The following DLG2 variants were observed in gnomAD, a reference collection of about 807,000 sequenced individuals.
The protein encoded by DLG2 is disks large homolog 2.
Under a neutral mutation model 132.5 loss-of-function variants are expected in DLG2, and 45 were observed. The observed-to-expected ratio is 0.34, with a 90% CI of 0.27 to 0.44. The LOEUF is 0.44. Among genes scored for constraint, DLG2 ranks in the 20% least tolerant of loss-of-function variants. DLG2 has a pLI of 1.00. For missense variants in DLG2, 1,045 were observed against 1,196.9 expected (o/e 0.87, Z 1.87); for synonymous variants, 424 against 419.6 (o/e 1.01, Z -0.13).
chr11:85,353,254 C>T (rs995104212), intron 3 of DLG2, among the ~76,000 whole-genome samples: 18 of 152,150 alleles, frequency 1.2e-4, no homozygotes, highest in African/African-American at 4.1e-4. Context: ...TCATTACTGG[C>T]CATCAGAGAA....
At chr11:84,017,296 AGAT>A (rs1323978294) in intron 11 of DLG2, among the ~76,000 whole-genome samples, 10 of 152,104 alleles carry the variant, frequency 6.6e-5, no homozygotes, top group African/African-American at 2.2e-4. Context: ...ACAAATTCAC[AGAT>A]GATTATAAAC....
At chr11:83,890,728 A>C (rs56112908) in intron 15 of DLG2, among the ~76,000 whole-genome samples, 11,211 of 152,264 alleles carry the variant, frequency 0.074, 537 homozygotes, top group African/African-American at 0.13. Context: ...AGCATGGAAA[A>C]TAGTAAATTG....
chr11:84,629,959 T>C (rs950433511), intron 6 of DLG2, among the ~76,000 whole-genome samples: 1 of 152,100 alleles, frequency 6.6e-6, no homozygotes, highest in African/African-American at 2.4e-5. Flanking sequence ...ACCTCCAAAA[T>C]ATTCATAGTT....
At chr11:85,608,217 G>A (rs1258641571) in intron 2 of DLG2, among the ~76,000 whole-genome samples, 1 of 152,126 alleles carries the variant, frequency 6.6e-6, no homozygotes, top group African/African-American at 2.4e-5. Flanking sequence ...TTGTCTTTCA[G>A]ATGGGAAACA....
chr11:84,759,122 C>A (rs1476815560), intron 6 of DLG2, among the ~76,000 whole-genome samples: 19 of 152,160 alleles, frequency 1.2e-4, no homozygotes, highest in Admixed American at 1.2e-3. Context: ...AAGCAATCTA[C>A]CCACCTTGGC....
chr11:84,708,126 T>C (rs1311677217), intron 6 of DLG2, among the ~76,000 whole-genome samples: 2 of 151,728 alleles, frequency 1.3e-5, no homozygotes, highest in Non-Finnish European at 2.9e-5. Context: ...ATCTGAAAAA[T>C]ATTATGGAGA....
At chr11:84,181,267 G>A (rs2096119449) in intron 8 of DLG2, among the ~76,000 whole-genome samples, 1 of 151,938 alleles carries the variant, frequency 6.6e-6, no homozygotes, top group Admixed American at 6.6e-5. Flanking sequence ...AAGTGGTGGA[G>A]TGTTATTTGA....
intron 7 of DLG2, among the ~76,000 whole-genome samples, chr11:84,255,952 G>A (rs2097461990): frequency 1.3e-5 from 2 of 152,030 alleles, no homozygotes; most frequent in East Asian, 3.9e-4. Context: ...CAGCATAAGG[G>A]ACTAGTACAG....
At position 85,461,545 on chromosome 11, in the gene DLG2, G is replaced by T. The variant is rs78436901; in HGVS notation, c.40+137112C>A. 1.9e-3 allele frequency among the ~76,000 whole-genome samples: 297 copies of T among 152,310 alleles called. 3 individuals carry two copies. The highest frequency in any genetic ancestry group is 6.9e-3 in the African/African-American group (286 of 41,568). ...AATACTGAGAGTGAGAGAAGTCCTT[G>T]AGTACCTGTGACTGAAGAGGCCAGT... On this transcript the variant is annotated intron_variant, in intron 3 of 27. Coordinates refer to ENST00000376104, the MANE Select transcript of DLG2 (RefSeq NM_001142699.3).
At chr11:84,862,906 A>G (rs2083978066) in intron 6 of DLG2, among the ~76,000 whole-genome samples, 1 of 151,368 alleles carries the variant, frequency 6.6e-6, no homozygotes, top group Non-Finnish European at 1.5e-5. Context: ...GCAAACCACC[A>G]TGGCACATGT....
intron 8 of DLG2, among the ~76,000 whole-genome samples, chr11:84,249,435 A>T (rs2097343779): frequency 6.6e-6 from 1 of 152,212 alleles, no homozygotes; most frequent in Non-Finnish European, 1.5e-5. Context: ...AAATTAAATA[A>T]GACTTCTAAC....
At chr11:85,490,059 G>A (rs1305605013) in intron 3 of DLG2, among the ~76,000 whole-genome samples, 2 of 152,028 alleles carry the variant, frequency 1.3e-5, no homozygotes, top group African/African-American at 2.4e-5. Context: ...GCAGTGGTAT[G>A]TACCTGTAGT....
At chr11:84,184,016 A>C (rs1334573166) in intron 8 of DLG2, among the ~76,000 whole-genome samples, 3 of 151,864 alleles carry the variant, frequency 2.0e-5, no homozygotes. Context: ...TGCTATTGTG[A>C]ATAATGCCGC....
chr11:84,878,654 T>C (rs545662951), intron 6 of DLG2, among the ~76,000 whole-genome samples: 2 of 152,078 alleles, frequency 1.3e-5, no homozygotes, highest in South Asian at 4.2e-4. Flanking sequence ...TTTATACCTA[T>C]GTAACAAAGC....
At chr11:85,251,692 AT>A (rs1288763223) in intron 4 of DLG2, among the ~76,000 whole-genome samples, 1 of 152,134 alleles carries the variant, frequency 6.6e-6, no homozygotes, top group African/African-American at 2.4e-5. Flanking sequence ...AATATTACAA[AT>A]TTTTGGACTG....
At chr11:85,512,545 C>G (rs1410572887) in intron 3 of DLG2, among the ~76,000 whole-genome samples, 1 of 151,922 alleles carries the variant, frequency 6.6e-6, no homozygotes, top group East Asian at 1.9e-4. Flanking sequence ...TTAAACAGTG[C>G]CTACTTTACT....
intron 7 of DLG2, among the ~76,000 whole-genome samples, chr11:84,527,442 G>A (rs891735619): frequency 1.3e-5 from 2 of 152,134 alleles, no homozygotes; most frequent in Non-Finnish European, 2.9e-5. Context: ...AATGTGCATT[G>A]CCTACAGATT....
At chr11:85,285,894 C>T (rs920289329) in intron 3 of DLG2, among the ~76,000 whole-genome samples, 1 of 151,624 alleles carries the variant, frequency 6.6e-6, no homozygotes, top group African/African-American at 2.4e-5. Context: ...TAGTGTTGGA[C>T]ACATAACATG....
At chr11:83,660,804 G>C (rs1449937785) in intron 18 of DLG2, among the ~76,000 whole-genome samples, 1 of 152,044 alleles carries the variant, frequency 6.6e-6, no homozygotes, top group African/African-American at 2.4e-5. Flanking sequence ...TGATAAAATT[G>C]TACTATTTGA....
Sources: allele counts gnomAD v4.1 joint callset (sites outside exome capture counted in the v4.1 genomes callset), GRCh38; gene constraint gnomAD v4.1.1; transcripts MANE v1.5; gene names NCBI Gene and HGNC (gene_info 2026-07-23, HGNC 2026-07-21).